Variants in PGCKA1 observed in about 807,000 individuals in gnomAD.
PGCKA1 encodes PDCD10 and GCKIII kinases-associated protein 1.
At chr4:37,585,166 AGAGGAGGGGAGAGGAGAGGGGAGGGTG>A in the PGCKA1 span, among the ~76,000 whole-genome samples, 4 of 62,570 alleles carry the variant, frequency 6.4e-5, no homozygotes, top group Admixed American at 2.0e-4. Flanking sequence ...AGGGGAGGGG[AGAGGAGGGGAGAGGAGAGGGGAGGGTG>A]GAGGAGAGGT....
the PGCKA1 span, among the ~76,000 whole-genome samples, chr4:37,530,055 T>A: frequency 1.3e-5 from 2 of 152,240 alleles, no homozygotes; most frequent in East Asian, 1.9e-4. Flanking sequence ...AAAGTAATGA[T>A]AAATGTTCTA....
chr4:37,456,284 C>T, the PGCKA1 span, among the ~76,000 whole-genome samples: 2 of 152,168 alleles, frequency 1.3e-5, no homozygotes, highest in Non-Finnish European at 2.9e-5. Flanking sequence ...ACTCTGACTG[C>T]TATTTAAGAG....
At chr4:37,512,536 A>C in the PGCKA1 span, among the ~76,000 whole-genome samples, 1 of 147,828 alleles carries the variant, frequency 6.8e-6, no homozygotes, top group Non-Finnish European at 1.5e-5. Context: ...GGTGCACTGC[A>C]ACCTCCGCCT....
chr4:37,462,807 A>G, the PGCKA1 span, among the ~76,000 whole-genome samples: 1 of 152,148 alleles, frequency 6.6e-6, no homozygotes, highest in African/African-American at 2.4e-5. Flanking sequence ...ATCCTGGCTA[A>G]CACAGTGAAA....
chr4:37,550,053 A>G, the PGCKA1 span, among the ~76,000 whole-genome samples: 1 of 152,196 alleles, frequency 6.6e-6, no homozygotes, highest in Non-Finnish European at 1.5e-5. Context: ...ATTGTTTTAC[A>G]GTTATTGTGA....
the PGCKA1 span, among the ~76,000 whole-genome samples, chr4:37,485,553 A>C: frequency 6.6e-6 from 1 of 152,144 alleles, no homozygotes; most frequent in Admixed American, 6.5e-5. Context: ...TTTAAGAAAT[A>C]AATCTCTGGT....
the PGCKA1 span, among the ~76,000 whole-genome samples, chr4:37,581,769 C>T: frequency 6.6e-6 from 1 of 152,098 alleles, no homozygotes; most frequent in Non-Finnish European, 1.5e-5. This position sits in a 1 kb window ranked among gnomAD's most constrained non-coding sequence, Gnocchi z 4.4. Flanking sequence ...ATCAGGTGCC[C>T]CCCCAGGTCC....
chr4:37,584,398 C>A, the PGCKA1 span: 3 of 152,338 alleles, frequency 2.0e-5, no homozygotes, highest in African/African-American at 7.2e-5. Flanking sequence ...GGTATGGGAC[C>A]AGGTCTATAG....
chr4:37,541,502 C>T, the PGCKA1 span, among the ~76,000 whole-genome samples: 18,189 of 152,180 alleles, frequency 0.12, 1,396 homozygotes, highest in East Asian at 0.36. Flanking sequence ...CTGCCCTCTC[C>T]GCCCTCTACC....
the PGCKA1 span, among the ~76,000 whole-genome samples, chr4:37,481,014 G>A: frequency 2.0e-5 from 3 of 152,296 alleles, no homozygotes; most frequent in East Asian, 5.8e-4. Flanking sequence ...AAGGCTCTGA[G>A]GAGTCCTACA....
the PGCKA1 span, among the ~76,000 whole-genome samples, chr4:37,557,690 C>G: frequency 6.6e-6 from 1 of 152,194 alleles, no homozygotes; most frequent in African/African-American, 2.4e-5. Context: ...TAGTAGATGG[C>G]TTTTGGTTAT....
chr4:37,482,873 T>C, the PGCKA1 span, among the ~76,000 whole-genome samples: 1 of 152,176 alleles, frequency 6.6e-6, no homozygotes, highest in Admixed American at 6.5e-5. Context: ...GCTTAGACTG[T>C]TGCTTCAGCT....
At chr4:37,531,630 C>T in the PGCKA1 span, among the ~76,000 whole-genome samples, 2 of 151,638 alleles carry the variant, frequency 1.3e-5, no homozygotes, top group African/African-American at 4.8e-5. Context: ...TGGTGGCTCA[C>T]GCCTGTAATC....
At chr4:37,480,315 A>T in the PGCKA1 span, among the ~76,000 whole-genome samples, 1 of 152,190 alleles carries the variant, frequency 6.6e-6, no homozygotes, top group African/African-American at 2.4e-5. Context: ...CAACATAGTG[A>T]AACCTCGTCT....
chr4:37,504,628 G>T, the PGCKA1 span, among the ~76,000 whole-genome samples: 52 of 152,088 alleles, frequency 3.4e-4, no homozygotes, highest in South Asian at 0.011. Flanking sequence ...AGTTTTCATT[G>T]TAGAGCTCTT....
At chr4:37,511,517 G>T in the PGCKA1 span, among the ~76,000 whole-genome samples, 1 of 152,108 alleles carries the variant, frequency 6.6e-6, no homozygotes. Context: ...GTCCCGGAAT[G>T]GGAGCCTCAC....
At chr4:37,480,848 T>C in the PGCKA1 span, among the ~76,000 whole-genome samples, 1 of 152,268 alleles carries the variant, frequency 6.6e-6, no homozygotes, top group Non-Finnish European at 1.5e-5. Flanking sequence ...CCTTAGCCAT[T>C]AGGCTGATGC....
chr4:37,478,351 G>A, the PGCKA1 span, among the ~76,000 whole-genome samples: 4 of 152,034 alleles, frequency 2.6e-5, no homozygotes, highest in African/African-American at 7.3e-5. Context: ...CTCTAGGCCC[G>A]GAGCCAGTTC....
At chr4:37,545,116 C>T in the PGCKA1 span, among the ~76,000 whole-genome samples, 1 of 152,064 alleles carries the variant, frequency 6.6e-6, no homozygotes, top group Non-Finnish European at 1.5e-5. Flanking sequence ...TTGGCCTCCC[C>T]AAGTGCTGGG....
Sources: gnomAD v4.1 joint callset for allele counts (sites outside exome capture counted in the v4.1 genomes callset) on GRCh38, gnomAD v4.1.1 for gene constraint, Gnocchi (gnomAD v3.1) non-coding constraint, MANE v1.5 for transcripts, NCBI Gene and HGNC (gene_info 2026-07-23, HGNC 2026-07-21) for gene names.